ZNF248: variants seen among roughly 807,000 people sequenced by gnomAD.
The protein encoded by ZNF248 is KRAB protein domain.
In ZNF248, 20 loss-of-function variants were observed where a neutral mutation model predicts 44.3. The ratio of observed to expected loss-of-function variants is 0.45; its 90% CI spans 0.32 to 0.66. The LOEUF (loss-of-function observed/expected upper bound fraction) is 0.66, where lower values mean the gene tolerates loss of function less well. Among genes scored for constraint, ZNF248 ranks in the 30% least tolerant of loss-of-function variants. The pLI is 0.04. For missense variants in ZNF248, 654 were observed against 677.0 expected (o/e 0.97, Z 0.38); for synonymous variants, 224 against 229.0 (o/e 0.98, Z 0.20).
At chr10:37,816,558 T>G (rs1222429860) in intron 6 of ZNF248, among the ~76,000 whole-genome samples, 2 of 152,220 alleles carry the variant, frequency 1.3e-5, no homozygotes, top group African/African-American at 2.4e-5. Context: ...TATTATTAGT[T>G]GTCTCTTTCG....
chr10:37,824,968 G>A (rs932010326), downstream of ZNF248, among the ~76,000 whole-genome samples: 3 of 150,338 alleles, frequency 2.0e-5, no homozygotes, highest in African/African-American at 7.4e-5. Flanking sequence ...GATTACAGAC[G>A]TGAGCCACCG....
intron 6 of ZNF248, among the ~76,000 whole-genome samples, chr10:37,809,680 C>T (rs1031348650): frequency 6.6e-6 from 1 of 152,136 alleles, no homozygotes; most frequent in Non-Finnish European, 1.5e-5. Flanking sequence ...TAAATATCCC[C>T]TTTAGCACAA....
intron 6 of ZNF248, among the ~76,000 whole-genome samples, chr10:37,810,895 A>G (rs72791720): frequency 0.12 from 18,924 of 152,196 alleles, 1,399 homozygotes; most frequent in East Asian, 0.29. Context: ...TCCTGTTGCT[A>G]TTGTGGTGAG....
downstream of ZNF248, among the ~76,000 whole-genome samples, chr10:37,824,833 C>T (rs2054112432): frequency 1.3e-5 from 2 of 149,114 alleles, no homozygotes; most frequent in Non-Finnish European, 3.0e-5. Flanking sequence ...AGGTGCCCAC[C>T]ACCACACCCA....
At chr10:37,789,121 AT>A (rs1235363188) in intron 6 of ZNF248, among the ~76,000 whole-genome samples, 2 of 152,140 alleles carry the variant, frequency 1.3e-5, no homozygotes, top group Non-Finnish European at 2.9e-5. Context: ...CAGATCAGTG[AT>A]TGGCTGGGAG....
chr10:37,831,290 A>T lies in ZNF248; in HGVS notation c.*325T>A, dbSNP rs1020767045. ...ATATGTTTAATGCTGCTGTCATTCAACTTTTATAAGCTTCAGATTCCACTG... is the reference window on the plus strand; with the variant it reads ...ATATGTTTAATGCTGCTGTCATTCATCTTTTATAAGCTTCAGATTCCACTG... On this transcript the variant is annotated 3_prime_UTR_variant, in exon 6 of 6. Transcript: ENST00000395867. The T allele has an allele frequency of 2.6e-6, 4 of 1,549,622 alleles. No individual in the cohort carries two copies. In the Admixed American group the frequency reaches 5.9e-5, roughly 23 times the overall value.
chr10:37,820,333 G>A lies in ZNF248; in HGVS notation c.330+12692C>T, dbSNP rs1162580406. 8 of 1,396,148 alleles carry A rather than the reference G, an allele frequency of 5.7e-6. No homozygotes were observed. The East Asian group carries it at 1.4e-4, about 24-fold the overall frequency. The allele number at this position is 1,396,148 out of a possible 1,614,324, so 86.5% of individuals were successfully genotyped here. A position where few individuals can be genotyped will look rare whatever the true frequency, so the allele number is the denominator to read the frequency against. On this transcript the variant is annotated intron_variant, in intron 6 of 6. Coordinates refer to the ZNF248 transcript ENST00000615949. ...TGAGCTGAAACAGAAGTGAAGCACA[G>A]GCCAGCTCCCCTTTGTGCCAGCTGC...
intron 6 of ZNF248, among the ~76,000 whole-genome samples, chr10:37,777,008 T>C (rs1185707121): frequency 6.6e-6 from 1 of 152,186 alleles, no homozygotes; most frequent in Non-Finnish European, 1.5e-5. Context: ...GGTTAACTAC[T>C]AAGCTCTGTG....
chr10:37,807,599 T>C (rs1376307072), intron 6 of ZNF248, among the ~76,000 whole-genome samples: 4 of 152,214 alleles, frequency 2.6e-5, no homozygotes, highest in Non-Finnish European at 5.9e-5. Flanking sequence ...CTTTAATGCA[T>C]TTCAGCAACA....
intron 6 of ZNF248, among the ~76,000 whole-genome samples, chr10:37,809,852 TTTTA>T (rs149485460): frequency 0.037 from 5,591 of 152,276 alleles, 310 homozygotes; most frequent in African/African-American, 0.13. Context: ...CCAGTTTTCC[TTTTA>T]TTATTATTTT....
intron 6 of ZNF248, among the ~76,000 whole-genome samples, chr10:37,809,399 T>G (rs1406077699): frequency 6.6e-6 from 1 of 152,160 alleles, no homozygotes; most frequent in African/African-American, 2.4e-5. Flanking sequence ...CACTGCAGGC[T>G]CCTAAGCAGC....
intron 6 of ZNF248, chr10:37,819,399 G>A: frequency 4.0e-6 from 6 of 1,487,780 alleles, no homozygotes; most frequent in Non-Finnish European, 5.6e-6. Flanking sequence ...GCATGCTTGT[G>A]GTAATTCTCC....
intron 6 of ZNF248, among the ~76,000 whole-genome samples, chr10:37,812,782 C>T (rs1434619700): frequency 6.6e-6 from 1 of 150,720 alleles, no homozygotes; most frequent in African/African-American, 2.4e-5. Context: ...AATGGTACTC[C>T]ATGGAAGGAT....
chr10:37,767,478 T>C, the ZNF248 span, among the ~76,000 whole-genome samples: 2 of 152,172 alleles, frequency 1.3e-5, no homozygotes, highest in African/African-American at 2.4e-5. Context: ...TTCAACATTC[T>C]TAAAGAAAAG....
chr10:37,829,979 T>A lies in ZNF248; in HGVS notation c.*1636A>T. 7.1e-6 allele frequency: 7 copies of A among 985,392 alleles called. No individual in the cohort carries two copies. The highest frequency in any genetic ancestry group is 8.4e-6 in the Non-Finnish European group (7 of 829,926). The allele number at this position is 985,392 out of a possible 1,614,324, so 61.0% of individuals were successfully genotyped here. On this transcript the variant is annotated 3_prime_UTR_variant, in exon 6 of 6. Transcript: ENST00000395867. ...AGGATGAAGTAGGGAATGGCCATCA[T>A]GTGGGCAGTGTCTCTTAGAACTGCT... is the stretch of plus-strand genomic sequence containing the variant.
chr10:37,767,453 G>T, the ZNF248 span, among the ~76,000 whole-genome samples: 5 of 152,196 alleles, frequency 3.3e-5, no homozygotes, highest in African/African-American at 1.2e-4. Context: ...AGCCAGAAGG[G>T]AGTGGGGGCC....
chr10:37,790,742 A>T (rs915121309), intron 6 of ZNF248, among the ~76,000 whole-genome samples: 18 of 147,758 alleles, frequency 1.2e-4, no homozygotes, highest in Admixed American at 2.0e-4. Flanking sequence ...ATAATTTTTT[A>T]AAAAAATAAA....
intron 6 of ZNF248, among the ~76,000 whole-genome samples, chr10:37,807,869 CTTTTA>C (rs1476968959): frequency 6.6e-6 from 1 of 151,996 alleles, no homozygotes; most frequent in South Asian, 2.1e-4. Context: ...ATCTGTATGC[CTTTTA>C]TTTATTTTTT....
intron 6 of ZNF248, among the ~76,000 whole-genome samples, chr10:37,790,696 G>A (rs1011926870): frequency 3.5e-5 from 5 of 142,256 alleles, no homozygotes; most frequent in East Asian, 1.9e-4. Flanking sequence ...GCGACAGAGC[G>A]AGGCTCCGTC....
Sources: gnomAD v4.1 joint callset for allele counts (sites outside exome capture counted in the v4.1 genomes callset) on GRCh38, gnomAD v4.1.1 for gene constraint, MANE v1.5 for transcripts, NCBI Gene and HGNC (gene_info 2026-07-23, HGNC 2026-07-21) for gene names.